The following SUN1 variants were observed in gnomAD, a reference collection of about 807,000 sequenced individuals.
The protein encoded by SUN1 is SUN domain-containing protein 1.
Under a neutral mutation model 103.2 loss-of-function variants are expected in SUN1, and 61 were observed. The observed-to-expected ratio is 0.59, with a 90% CI of 0.48 to 0.73. The LOEUF (loss-of-function observed/expected upper bound fraction) is 0.73. SUN1 is among the 30% of genes least tolerant of loss of function. The probability of loss-of-function intolerance (pLI) is 0.00; values close to 1 mark genes in which losing one functional copy is unlikely to be tolerated. For missense variants in SUN1, 1,052 were observed against 1,034.6 expected (o/e 1.02, Z -0.23); for synonymous variants, 490 against 425.7 (o/e 1.15, Z -1.86).
chr7:873,219 G>T lies in SUN1; in HGVS notation c.2246G>T (p.Arg749Ile). The T allele has an allele frequency of 6.2e-7, 1 of 1,614,142 alleles. No homozygotes were observed. Among genetic ancestry groups the T allele is most frequent in the Non-Finnish European group, 8.5e-7 (1 of 1,180,014 alleles). Reference sequence around the variant, plus strand: ...TTTTTCCCACCTTGATTTCAGAAAAGACCCGACGACACAGCTTTCCAAATA... The same window carrying T: ...TTTTTCCCACCTTGATTTCAGAAAATACCCGACGACACAGCTTTCCAAATA... ...ESLQMFQALKRPDDTAFQIVE... is the reference protein window; with the variant it reads ...ESLQMFQALKIPDDTAFQIVE... Residue 749 changes from arginine (R) to isoleucine (I), a missense_variant, in exon 19 of 19, where the codon AGA becomes ATA. This residue lies in a region of SUN1 where 206 missense variants were observed against 260.1 expected (regional missense o/e 0.79). Transcript: ENST00000401592.
intron 1 of SUN1, among the ~76,000 whole-genome samples, chr7:822,968 A>G (rs1787760007): frequency 2.0e-5 from 3 of 152,122 alleles, no homozygotes; most frequent in Non-Finnish European, 4.4e-5. Flanking sequence ...TCCCACACAC[A>G]CACGGCCCTG....
intron 7 of SUN1, 88 bp downstream of exon 7, chr7:852,131 A>G (rs983980864): frequency 8.1e-7 from 1 of 1,227,304 alleles, no homozygotes; most frequent in African/African-American, 1.5e-5. Flanking sequence ...GTTATTTTGT[A>G]AGGATTTAGC....
upstream of SUN1, among the ~76,000 whole-genome samples, chr7:829,858 C>G (rs996208443): frequency 1.3e-5 from 2 of 152,202 alleles, no homozygotes; most frequent in Non-Finnish European, 2.9e-5. Flanking sequence ...CCGGCCATAA[C>G]TGTTCTTTTT....
At chr7:843,675 C>G in intron 5 of SUN1, 155 bp downstream of exon 5, 2 of 1,480,394 alleles carry the variant, frequency 1.4e-6, no homozygotes, top group Non-Finnish European at 1.8e-6. Flanking sequence ...TTTGTCCTTC[C>G]TGTCCTCTTC....
At chr7:840,127 G>A (rs553010045) in intron 2 of SUN1, among the ~76,000 whole-genome samples, 3 of 152,312 alleles carry the variant, frequency 2.0e-5, no homozygotes, top group Admixed American at 6.5e-5. Flanking sequence ...TGTTAAGAGC[G>A]ATGGCGGAAT....
At chr7:860,840 CAA>C (rs1175747756) in intron 14 of SUN1, among the ~76,000 whole-genome samples, 6 of 152,200 alleles carry the variant, frequency 3.9e-5, no homozygotes, top group East Asian at 1.9e-4. Context: ...TGGCAGCAGA[CAA>C]GAGAGTGTAT....
chr7:874,438 C>T lies in SUN1; in HGVS notation c.*1107C>T, dbSNP rs1843328591. On this transcript the variant is annotated 3_prime_UTR_variant, in exon 19 of 19. Coordinates refer to ENST00000401592, the MANE Select transcript of SUN1 (RefSeq NM_001130965.3). ...ACTTAAAGTGTTACAGATGTTTTAC[C>T]TTAAGAATTATTTAAGTTGTGTTGG... The T allele has an allele frequency of 6.6e-6, 1 of 152,574 alleles. No individual in the cohort carries two copies. Among genetic ancestry groups the T allele is most frequent in the South Asian group, 2.1e-4 (1 of 4,830 alleles). 9.5% of individuals were successfully genotyped at this position (152,574 alleles called of 1,614,324 possible).
At chr7:845,365 C>G (rs1414906753) in intron 5 of SUN1, among the ~76,000 whole-genome samples, 1 of 152,230 alleles carries the variant, frequency 6.6e-6, no homozygotes, top group African/African-American at 2.4e-5. Flanking sequence ...AAGCCCCATC[C>G]TTCCCGCGGG....
In SUN1 at chr7:873,489, C is replaced by T; in HGVS notation, c.*158C>T. ...AGAGGACGTGAGCGTGTGACGGGCG[C>T]CTTGGCGCCACCTGTTGGGTGCTCA... On this transcript the variant is annotated 3_prime_UTR_variant, in exon 19 of 19. Coordinates refer to ENST00000401592, the MANE Select transcript of SUN1 (RefSeq NM_001130965.3). The T allele has an allele frequency of 1.4e-6, 1 of 725,936 alleles. No individual in the cohort carries two copies. The highest frequency in any genetic ancestry group is 2.3e-6 in the Non-Finnish European group (1 of 443,990). The allele number at this position is 725,936 out of a possible 1,614,324, so 45.0% of individuals were successfully genotyped here. A position where few individuals can be genotyped will look rare whatever the true frequency, so the allele number is the denominator to read the frequency against.
In SUN1 at chr7:817,556, C is replaced by G. The variant is rs1781953164; in HGVS notation, c.-74+883C>G. 6 of 1,528,072 alleles carry G rather than the reference C, an allele frequency of 3.9e-6. No individual in the cohort carries two copies. In the Admixed American group the frequency reaches 7.9e-5, roughly 20 times the overall value. 94.7% of individuals were successfully genotyped at this position (1,528,072 alleles called of 1,614,324 possible). ...GCTTTGCAGCTTGTGGTTGCTGCGT[C>G]TGGCTCTGATTCCGGGTGGGAAGCT... On this transcript the variant is annotated intron_variant, in intron 1 of 17. Coordinates refer to the SUN1 transcript ENST00000389574.
At chr7:835,700 G>T (rs1204631104) in intron 1 of SUN1, among the ~76,000 whole-genome samples, 1 of 152,196 alleles carries the variant, frequency 6.6e-6, no homozygotes, top group East Asian at 1.9e-4. Flanking sequence ...GCTGTCTGAC[G>T]TGTCTCCTCT....
chr7:849,091 A>G (rs898033337), intron 5 of SUN1, among the ~76,000 whole-genome samples: 2 of 152,126 alleles, frequency 1.3e-5, no homozygotes, highest in Non-Finnish European at 2.9e-5. Flanking sequence ...AGCTGGGACT[A>G]CAGGCGCACG....
intron 2 of SUN1, among the ~76,000 whole-genome samples, chr7:840,331 C>T (rs1808101193): frequency 6.6e-6 from 1 of 152,240 alleles, no homozygotes; most frequent in Admixed American, 6.5e-5. Flanking sequence ...GTGTCAAGCA[C>T]CCAGTTACCA....
chr7:843,965 T>C (rs1812664144), intron 5 of SUN1: 6 of 955,838 alleles, frequency 6.3e-6, no homozygotes, highest in Non-Finnish European at 7.7e-6. Context: ...CCTGTGCTTA[T>C]GGTGATGGAG....
chr7:858,777 C>T (rs368489446), intron 13 of SUN1, among the ~76,000 whole-genome samples: 1 of 152,228 alleles, frequency 6.6e-6, no homozygotes. Context: ...TTGGTAAAGG[C>T]ATTTGCAATA....
At chr7:819,835 A>G (rs1198473534) in intron 1 of SUN1, among the ~76,000 whole-genome samples, 3 of 151,280 alleles carry the variant, frequency 2.0e-5, no homozygotes. Flanking sequence ...CAGCCTCCCA[A>G]GTAGCTGGGA....
rs28650941 is a variant in SUN1, at chr7:817,199, A to G, written c.-74+526A>G. The G allele has an allele frequency of 1.2e-3, 680 of 552,876 alleles. 5 individuals are homozygous for G. The highest frequency in any genetic ancestry group is 0.012 in the African/African-American group (626 of 52,562). The allele number at this position is 552,876 out of a possible 1,614,324, so 34.2% of individuals were successfully genotyped here. ...GGTCTCGACCTCCTGAGCGCGAGCTATCCTCCCGCCTCCGCCTCCCGAAGC... is the reference window on the plus strand; with the variant it reads ...GGTCTCGACCTCCTGAGCGCGAGCTGTCCTCCCGCCTCCGCCTCCCGAAGC... On this transcript the variant is annotated intron_variant, in intron 1 of 17. Transcript: ENST00000389574.
At chr7:837,004 C>T (rs934821044) in intron 1 of SUN1, among the ~76,000 whole-genome samples, 3 of 152,198 alleles carry the variant, frequency 2.0e-5, no homozygotes, top group Non-Finnish European at 2.9e-5. Context: ...TGGCCCCCGA[C>T]GCATGGATGG....
At chr7:871,870 T>C (rs4722018) in intron 17 of SUN1, among the ~76,000 whole-genome samples, 118,952 of 152,268 alleles carry the variant, frequency 0.78, 46,604 homozygotes, top group Admixed American at 0.83. Context: ...TAGAGCTTAC[T>C]GTTCTAATAA....
Sources: gnomAD v4.1 joint callset for allele counts (sites outside exome capture counted in the v4.1 genomes callset) on GRCh38, gnomAD v4.1.1 for gene constraint, gnomAD v4.1.1 regional missense constraint, MANE v1.5 for transcripts, NCBI Gene and HGNC (gene_info 2026-07-23, HGNC 2026-07-21) for gene names.